Variants in FOXP2 observed in about 807,000 individuals in gnomAD.
The protein encoded by FOXP2 is forkhead box P2.
Under a neutral mutation model 115.8 loss-of-function variants are expected in FOXP2, and 12 were observed. That is an observed-to-expected ratio of 0.10 (90% CI 0.07 to 0.17). FOXP2 has a LOEUF of 0.17. Among genes scored for constraint, FOXP2 ranks in the 10% least tolerant of loss-of-function variants. The probability of loss-of-function intolerance (pLI) is 1.00; values close to 1 mark genes in which losing one functional copy is unlikely to be tolerated. For missense variants in FOXP2, 629 were observed against 843.5 expected (o/e 0.75, Z 3.15); for synonymous variants, 328 against 297.7 (o/e 1.10, Z -1.05).
At chr7:114,399,250 G>A (rs1458910009) in intron 2 of FOXP2, among the ~76,000 whole-genome samples, 1 of 151,772 alleles carries the variant, frequency 6.6e-6, no homozygotes, top group African/African-American at 2.4e-5. Context: ...TGTGATTACA[G>A]GCACCTGCCA....
intron 4 of FOXP2, 83 bp from the exon 5 acceptor site, chr7:114,629,722 T>A: frequency 6.2e-7 from 1 of 1,604,566 alleles, no homozygotes; most frequent in Non-Finnish European, 8.5e-7. Context: ...TACTCTGCCA[T>A]ATGCCAGTCT....
At chr7:114,314,392 A>G (rs896715230) in intron 2 of FOXP2, among the ~76,000 whole-genome samples, 1 of 152,102 alleles carries the variant, frequency 6.6e-6, no homozygotes, top group Non-Finnish European at 1.5e-5. Flanking sequence ...GTAAGCTGTC[A>G]TAGATGCACC....
chr7:114,373,221 C>T (rs1460174772), intron 2 of FOXP2, among the ~76,000 whole-genome samples: 3 of 152,030 alleles, frequency 2.0e-5, no homozygotes, highest in African/African-American at 7.2e-5. Flanking sequence ...GGGATTTCAC[C>T]GTGTTAGCCA....
At chr7:114,636,209 A>C (rs937157871) in intron 6 of FOXP2, among the ~76,000 whole-genome samples, 12 of 152,178 alleles carry the variant, frequency 7.9e-5, no homozygotes, top group Admixed American at 5.2e-4. Context: ...TCTGAAGAAG[A>C]GATATGGGTA....
intron 1 of FOXP2, among the ~76,000 whole-genome samples, chr7:114,176,589 C>T (rs555204269): frequency 6.6e-6 from 1 of 151,832 alleles, no homozygotes; most frequent in East Asian, 1.9e-4. Context: ...GATTTGCCCT[C>T]CTTGGCCTCC....
chr7:114,212,110 AAAATAAAATAAAAT>A (rs1188037891), intron 1 of FOXP2, among the ~76,000 whole-genome samples: 2 of 93,804 alleles, frequency 2.1e-5, no homozygotes, highest in African/African-American at 2.8e-5. Context: ...AAAATAAAAT[AAAATAAAATAAAAT>A]ATATATATAT....
chr7:114,201,680 C>T (rs949143846), intron 1 of FOXP2, among the ~76,000 whole-genome samples: 3 of 152,084 alleles, frequency 2.0e-5, no homozygotes, highest in Admixed American at 6.5e-5. Context: ...AAATCATACG[C>T]TTGATAATAT....
upstream of FOXP2, chr7:114,414,122 T>G (rs530358528): frequency 1.3e-5 from 2 of 152,292 alleles, no homozygotes; most frequent in East Asian, 3.9e-4. Flanking sequence ...ATTCTGTCTC[T>G]GTAGCTGTAG....
intron 2 of FOXP2, among the ~76,000 whole-genome samples, chr7:114,339,524 T>C (rs1353057513): frequency 1.3e-5 from 2 of 151,136 alleles, no homozygotes; most frequent in Non-Finnish European, 3.0e-5. Context: ...TTTGGATTTT[T>C]TGCTACATCA....
At chr7:114,614,978 T>C (rs1803850160) in intron 3 of FOXP2, among the ~76,000 whole-genome samples, 1 of 152,096 alleles carries the variant, frequency 6.6e-6, no homozygotes, top group South Asian at 2.1e-4. Flanking sequence ...CCCAGTACTT[T>C]AGGAGGCCGA....
upstream of FOXP2, among the ~76,000 whole-genome samples, chr7:114,086,945 TC>T (rs761077144): frequency 3.8e-4 from 58 of 152,228 alleles, no homozygotes; most frequent in Non-Finnish European, 6.5e-4. Context: ...AAATGTTGCT[TC>T]GTCCGGAGAG....
chr7:114,480,097 A>G lies in FOXP2; in HGVS notation c.168+53418A>G, dbSNP rs186615338. Among the ~76,000 whole-genome samples, 88 of 151,584 alleles carry G rather than the reference A, an allele frequency of 5.8e-4. No individual in the cohort carries two copies. The East Asian group carries it at 6.6e-3, about 11-fold the overall frequency. On this transcript the variant is annotated intron_variant, in intron 2 of 16. Transcript: ENST00000350908. ...TTTGAGAGACACTTGGTCACTTACAATCTAGCTTTTCATCTTTGTTAAACT... is the reference window on the plus strand; with the variant it reads ...TTTGAGAGACACTTGGTCACTTACAGTCTAGCTTTTCATCTTTGTTAAACT...
chr7:114,478,734 G>C (rs572569039), intron 2 of FOXP2, among the ~76,000 whole-genome samples: 58 of 151,810 alleles, frequency 3.8e-4, no homozygotes, highest in Admixed American at 6.6e-4. Context: ...CTTGGTTTGT[G>C]TGCTTTTTAA....
intron 16 of FOXP2, 180 bp downstream of exon 16, chr7:114,664,616 T>C: frequency 1.5e-6 from 1 of 686,730 alleles, no homozygotes; most frequent in Non-Finnish European, 2.4e-6. Flanking sequence ...ATACATTTTT[T>C]AGATGATCTC....
At chr7:114,106,641 T>C (rs1247626810) in intron 1 of FOXP2, among the ~76,000 whole-genome samples, 1 of 152,030 alleles carries the variant, frequency 6.6e-6, no homozygotes, top group Non-Finnish European at 1.5e-5. Flanking sequence ...TTTGTGAATG[T>C]GTTTAGATGT....
At position 114,357,192 on chromosome 7, in the gene FOXP2, A is replaced by G. The variant is rs184379988; in HGVS notation, c.-11+69083A>G. On this transcript the variant is annotated intron_variant, in intron 2 of 17. Coordinates refer to the FOXP2 transcript ENST00000634411. ...CTCTCATTTGCTGGGAATTTTTCAT[A>G]GTAGTACTTATCGTTACATATATTT... Among the ~76,000 whole-genome samples the G allele has an allele frequency of 1.1e-4, 17 of 152,290 alleles. No individual in the cohort carries two copies. The East Asian group carries it at 2.7e-3, about 24-fold the overall frequency.
chr7:114,626,257 T>A (rs1464255590), intron 3 of FOXP2, among the ~76,000 whole-genome samples: 1 of 151,808 alleles, frequency 6.6e-6, no homozygotes, highest in Non-Finnish European at 1.5e-5. Context: ...AATTTGCTCA[T>A]TTATCAAATC....
intron 2 of FOXP2, among the ~76,000 whole-genome samples, chr7:114,298,168 A>G (rs79448457): frequency 0.024 from 3,654 of 152,244 alleles, 131 homozygotes; most frequent in African/African-American, 0.074. Context: ...AGTTCCTTTA[A>G]CAATATATTC....
chr7:114,672,407 A>C (rs1807535459), intron 16 of FOXP2, among the ~76,000 whole-genome samples: 1 of 152,150 alleles, frequency 6.6e-6, no homozygotes, highest in South Asian at 2.1e-4. Flanking sequence ...CAATGTGGCA[A>C]AACCCCGTCT....
Sources: gnomAD v4.1 joint callset for allele counts (sites outside exome capture counted in the v4.1 genomes callset) on GRCh38, gnomAD v4.1.1 for gene constraint, MANE v1.5 for transcripts, NCBI Gene and HGNC (gene_info 2026-07-23, HGNC 2026-07-21) for gene names.